The following DRC11 variants were observed in gnomAD, a reference collection of about 807,000 sequenced individuals.
DRC11 encodes the protein IQ and AAA domain-containing protein 1.
the DRC11 span, among the ~76,000 whole-genome samples, chr2:236,366,687 C>T: frequency 2.0e-5 from 3 of 151,998 alleles, no homozygotes; most frequent in Non-Finnish European, 4.4e-5. Context: ...GTATCCTTTG[C>T]AGCTGTGAAA....
the DRC11 span, among the ~76,000 whole-genome samples, chr2:236,493,149 C>G: frequency 5.3e-5 from 8 of 152,174 alleles, no homozygotes; most frequent in Admixed American, 2.0e-4. Context: ...GCAGACAAGA[C>G]AGTTTGTGCA....
At chr2:236,438,882 T>G in the DRC11 span, among the ~76,000 whole-genome samples, 4 of 151,574 alleles carry the variant, frequency 2.6e-5, no homozygotes, top group East Asian at 7.7e-4. Context: ...CAGACCACAG[T>G]GCAATCAAAC....
the DRC11 span, among the ~76,000 whole-genome samples, chr2:236,357,315 A>G: frequency 2.6e-5 from 3 of 116,816 alleles, no homozygotes; most frequent in Non-Finnish European, 4.7e-5. Context: ...ATAGATCTAT[A>G]TATTATATAT....
At chr2:236,463,233 G>A in the DRC11 span, among the ~76,000 whole-genome samples, 3 of 152,262 alleles carry the variant, frequency 2.0e-5, no homozygotes, top group African/African-American at 7.2e-5. The surrounding 1 kb of genome is among the most constrained non-coding windows in gnomAD (Gnocchi z 5.0). Context: ...TTTGACAAAT[G>A]TATGCTCTCA....
At chr2:236,459,616 A>ATACATACGTATATAC in the DRC11 span, among the ~76,000 whole-genome samples, 1 of 130,874 alleles carries the variant, frequency 7.6e-6, no homozygotes, top group Non-Finnish European at 1.7e-5. Flanking sequence ...TACGTATATA[A>ATACATACGTATATAC]GTATATACAT....
At chr2:236,441,168 CT>C in the DRC11 span, 19,269 of 1,276,060 alleles carry the variant, frequency 0.015, 200 homozygotes, top group South Asian at 0.028. Context: ...ATGAAGTCCT[CT>C]CTTGTTATAT....
the DRC11 span, among the ~76,000 whole-genome samples, chr2:236,367,268 A>G: frequency 6.7e-6 from 1 of 148,274 alleles, no homozygotes; most frequent in Admixed American, 6.8e-5. This position sits in a 1 kb window ranked among gnomAD's most constrained non-coding sequence, Gnocchi z 4.8. Flanking sequence ...TATATATAAT[A>G]TAAATTATGT....
chr2:236,404,363 C>T, the DRC11 span, among the ~76,000 whole-genome samples: 1 of 150,954 alleles, frequency 6.6e-6, no homozygotes, highest in Admixed American at 6.6e-5. Context: ...TTGAAGTTGT[C>T]CTTCCATCAG....
chr2:236,395,185 CA>C, the DRC11 span, among the ~76,000 whole-genome samples: 1 of 151,954 alleles, frequency 6.6e-6, no homozygotes, highest in East Asian at 1.9e-4. Context: ...GAGGTGAGGC[CA>C]AAGTTCAAGG....
the DRC11 span, among the ~76,000 whole-genome samples, chr2:236,494,568 CATT>C: frequency 1.9e-3 from 283 of 152,280 alleles, 1 homozygote; most frequent in African/African-American, 6.6e-3. The surrounding 1 kb of genome is among the most constrained non-coding windows in gnomAD (Gnocchi z 4.2). Context: ...CACTGAGAAA[CATT>C]ATCCTAGAAT....
At chr2:236,415,283 C>A in the DRC11 span, among the ~76,000 whole-genome samples, 2 of 152,120 alleles carry the variant, frequency 1.3e-5, no homozygotes, top group Admixed American at 1.3e-4. This position sits in a 1 kb window ranked among gnomAD's most constrained non-coding sequence, Gnocchi z 5.7. Flanking sequence ...AGTGAAAGAA[C>A]AATCATGCAG....
chr2:236,391,944 C>G, the DRC11 span: 1 of 1,582,220 alleles, frequency 6.3e-7, no homozygotes, highest in South Asian at 1.1e-5. The surrounding 1 kb of genome is among the most constrained non-coding windows in gnomAD (Gnocchi z 4.5). Context: ...TCCGCTCCAC[C>G]GCACCCCTCT....
the DRC11 span, among the ~76,000 whole-genome samples, chr2:236,371,617 T>C: frequency 6.6e-6 from 1 of 152,208 alleles, no homozygotes; most frequent in Non-Finnish European, 1.5e-5. The surrounding 1 kb of genome is among the most constrained non-coding windows in gnomAD (Gnocchi z 5.1). Flanking sequence ...CACCTTGTCC[T>C]GGTTTTATGG....
chr2:236,468,553 A>T, the DRC11 span, among the ~76,000 whole-genome samples: 1 of 152,194 alleles, frequency 6.6e-6, no homozygotes, highest in Non-Finnish European at 1.5e-5. Context: ...CAAAAGCATG[A>T]CTTTTCTTTA....
the DRC11 span, among the ~76,000 whole-genome samples, chr2:236,451,577 T>C: frequency 2.6e-5 from 4 of 152,312 alleles, no homozygotes; most frequent in East Asian, 5.8e-4. Context: ...ATTTTAAAAA[T>C]AAGACGAGTA....
At chr2:236,333,819 G>A in the DRC11 span, among the ~76,000 whole-genome samples, 4 of 152,090 alleles carry the variant, frequency 2.6e-5, no homozygotes, top group Non-Finnish European at 5.9e-5. The surrounding 1 kb of genome is among the most constrained non-coding windows in gnomAD (Gnocchi z 6.0). Flanking sequence ...CATTAGTAAC[G>A]GTGTACAGTT....
At chr2:236,400,294 C>G in the DRC11 span, among the ~76,000 whole-genome samples, 1 of 152,106 alleles carries the variant, frequency 6.6e-6, no homozygotes, top group South Asian at 2.1e-4. The surrounding 1 kb of genome is among the most constrained non-coding windows in gnomAD (Gnocchi z 7.9). Flanking sequence ...GGGCCCCCCA[C>G]AGCAGAGAGA....
chr2:236,417,802 C>A, the DRC11 span, among the ~76,000 whole-genome samples: 1 of 151,902 alleles, frequency 6.6e-6, no homozygotes, highest in Non-Finnish European at 1.5e-5. Context: ...TTGTTCAACT[C>A]CCACTTATGA....
chr2:236,481,884 T>C, the DRC11 span, among the ~76,000 whole-genome samples: 1 of 149,636 alleles, frequency 6.7e-6, no homozygotes, highest in South Asian at 2.1e-4. Flanking sequence ...TGTATAATTC[T>C]ACATATTATA....
Sources: allele counts gnomAD v4.1 joint callset (sites outside exome capture counted in the v4.1 genomes callset), GRCh38; gene constraint gnomAD v4.1.1; non-coding constraint Gnocchi (gnomAD v3.1); transcripts MANE v1.5; gene names NCBI Gene and HGNC (gene_info 2026-07-23, HGNC 2026-07-21).